The following RYR1 variants were observed in gnomAD, a reference collection of about 807,000 sequenced individuals.
The protein encoded by RYR1 is central core disease of muscle.
In RYR1, 342 loss-of-function variants were observed where a neutral mutation model predicts 583.5. The ratio of observed to expected loss-of-function variants is 0.59; its 90% CI spans 0.54 to 0.64. The LOEUF (loss-of-function observed/expected upper bound fraction) is 0.64, where lower values mean the gene tolerates loss of function less well. RYR1 is among the 30% of genes least tolerant of loss of function. The probability of loss-of-function intolerance (pLI) is 0.00; values close to 1 mark genes in which losing one functional copy is unlikely to be tolerated. For missense variants in RYR1, 6,032 were observed against 6,917.2 expected, an observed-to-expected ratio of 0.87 and a Z score of 4.54; for synonymous variants, 2,791 against 2,822.5, an observed-to-expected ratio of 0.99 and a Z score of 0.35.
intron 35 of RYR1, 132 bp from the exon 36 acceptor site, chr19:38,489,944 G>T (rs1023163018): frequency 1.4e-5 from 13 of 928,860 alleles, no homozygotes; most frequent in Middle Eastern, 3.1e-4. Context: ...CAGGCTTAAG[G>T]TTCCAGGCGG....
At chr19:38,446,003 A>T (rs1292342710) in intron 7 of RYR1, among the ~76,000 whole-genome samples, 1 of 152,062 alleles carries the variant, frequency 6.6e-6, no homozygotes, top group Non-Finnish European at 1.5e-5. Flanking sequence ...AAAACTAAAC[A>T]AAACGAAACA....
chr19:38,447,868 CAAAAAT>C (rs1423846002), intron 9 of RYR1, among the ~76,000 whole-genome samples: 1 of 144,660 alleles, frequency 6.9e-6, no homozygotes, highest in Non-Finnish European at 1.5e-5. Context: ...ACAAGCAAAA[CAAAAAT>C]AAAAAATGAA....
chr19:38,435,338 G>A (rs1972378936), intron 1 of RYR1, among the ~76,000 whole-genome samples: 1 of 152,230 alleles, frequency 6.6e-6, no homozygotes, highest in African/African-American at 2.4e-5. Flanking sequence ...ACTTGCCAAA[G>A]TAGTCAGCGT....
chr19:38,449,480 C>CAAAACA (rs763785314), intron 11 of RYR1, among the ~76,000 whole-genome samples: 2 of 152,014 alleles, frequency 1.3e-5, no homozygotes, highest in Admixed American at 6.6e-5. Context: ...AAAAACAAAA[C>CAAAACA]AAAACAAAAA....
chr19:38,473,275 G>A (rs1208259585), intron 27 of RYR1, 102 bp from the exon 28 acceptor site: 2 of 1,405,762 alleles, frequency 1.4e-6, no homozygotes, highest in Non-Finnish European at 2.0e-6. Context: ...CCATGCAGGT[G>A]CACTATGGCC....
rs1969842025 is a variant in RYR1, at chr19:38,496,611, CT to C, written c.6796+73del. The C allele has an allele frequency of 6.3e-7, 1 of 1,579,052 alleles. No homozygotes were observed. Among genetic ancestry groups the C allele is most frequent in the African/African-American group, 1.3e-5 (1 of 74,378 alleles). ...TGGCACCCCGTCCAGGCCTGCCCCA[CT>C]TTCCACCAGCTCACTCATTCAACAA... is the stretch of plus-strand genomic sequence containing the variant. On this transcript the variant is annotated intron_variant, in intron 41 of 105. Coordinates refer to ENST00000359596, the MANE Select transcript of RYR1 (RefSeq NM_000540.3). The surrounding 1 kb of genome is among the most constrained non-coding windows in gnomAD (Gnocchi z 4.8).
chr19:38,505,635 A>T (rs566857433), intron 53 of RYR1, among the ~76,000 whole-genome samples, 171 bp from the exon 54 acceptor site: 1 of 152,194 alleles, frequency 6.6e-6, no homozygotes, highest in African/African-American at 2.4e-5. Context: ...GTCTAATGGG[A>T]TAAGGAGATT....
Position 38,489,347 on chromosome 19 carries a change from G to C in RYR1, c.5718G>C (p.Glu1906Asp), listed in dbSNP as rs1568488491. The C allele has an allele frequency of 1.2e-6, 2 of 1,611,254 alleles. No homozygotes were observed. Among genetic ancestry groups the C allele is most frequent in the Non-Finnish European group, 1.7e-6 (2 of 1,177,520 alleles). ...AAACAGCACAGGAAAAGGAAGATGA[G>C]GAAAAAGAGGAAGAGGAGGCAGCAG... ...EEETAQEKED[E>D]EKEEEEAAEG... is the part of the protein sequence containing the mutation. The change falls in exon 35 of 106, where the codon GAG becomes GAC. Residue 1906 changes from glutamate to aspartate, a missense_variant. Transcript: ENST00000359596.
In RYR1 at chr19:38,492,570, G is replaced by A. The variant is rs749274175; in HGVS notation, c.6208G>A (p.Val2070Met). ...GSRLMSLLEK[V>M]RLVKKKEEKP... is the part of the protein sequence containing the mutation. The stretch of plus-strand genomic sequence containing the variant: ...CCGCCTCATGAGCCTGTTGGAGAAA[G>A]TGCGGCTGGTGAAGAAGAAGGAAGA... The change falls in exon 38 of 106, where the codon GTG becomes ATG. Residue 2070 changes from valine (V) to methionine (M), a missense_variant. This residue lies in a region of RYR1 where 2,627 missense variants were observed against 2,961.3 expected (regional missense o/e 0.89). Transcript: ENST00000359596. 109 of 1,613,952 alleles carry A rather than the reference G, an allele frequency of 6.8e-5. No individual in the cohort carries two copies. Among genetic ancestry groups the A allele is most frequent in the Non-Finnish European group, 8.1e-5 (96 of 1,179,992 alleles).
At chr19:38,453,211 G>A (rs1010650569) in intron 13 of RYR1, among the ~76,000 whole-genome samples, 197 bp downstream of exon 13, 1 of 151,604 alleles carries the variant, frequency 6.6e-6, no homozygotes, top group Non-Finnish European at 1.5e-5. Flanking sequence ...CTTGGGAGGG[G>A]CGGGCCTGCT....
intron 61 of RYR1, 41 bp downstream of exon 61, chr19:38,511,651 C>T (rs1224648533): frequency 1.9e-6 from 3 of 1,601,688 alleles, no homozygotes; most frequent in Non-Finnish European, 1.7e-6. Context: ...CCTAATCTTT[C>T]TCTTCCCCAC....
intron 101 of RYR1, among the ~76,000 whole-genome samples, chr19:38,581,216 A>G (rs1974191638): frequency 6.6e-6 from 1 of 151,576 alleles, no homozygotes; most frequent in Non-Finnish European, 1.5e-5. Flanking sequence ...TAGCTGGGAC[A>G]ACAGGCGCCC....
Position 38,483,059 on chromosome 19 carries a change from C to G in RYR1, c.4653C>G (p.Val1551=). The change falls in exon 32 of 106, where the codon GTC becomes GTG. Residue 1551 remains valine, a synonymous_variant. Coordinates refer to ENST00000359596, the MANE Select transcript of RYR1 (RefSeq NM_000540.3). The surrounding 1 kb of genome is among the most constrained non-coding windows in gnomAD (Gnocchi z 6.3). The part of the protein sequence containing the change: ...VEPNTKLFPA[V]FVLPTHQNVI... ...CCAACACTAAGCTATTTCCTGCCGT[C>G]TTCGTCCTGCCCACCCACCAGAACG... 6.2e-7 allele frequency: 1 copy of G among 1,614,172 alleles called. No homozygotes were observed. Among genetic ancestry groups the G allele is most frequent in the Non-Finnish European group, 8.5e-7 (1 of 1,180,026 alleles).
chr19:38,449,230 C>T (rs1008917945), intron 11 of RYR1, among the ~76,000 whole-genome samples: 2 of 152,080 alleles, frequency 1.3e-5, no homozygotes, highest in African/African-American at 2.4e-5. Flanking sequence ...GAGGCCCAGG[C>T]GGTTGGATCA....
At chr19:38,551,025 C>CTTTTTTTTTTTTTTTT (rs71165560) in intron 89 of RYR1, among the ~76,000 whole-genome samples, 1 of 41,358 alleles carries the variant, frequency 2.4e-5, no homozygotes, top group African/African-American at 8.5e-5. Flanking sequence ...GGATTCACGG[C>CTTTTTTTTTTTTTTTT]TTTTTTTTTT....
chr19:38,478,217 AC>A (rs1238327456), intron 30 of RYR1, among the ~76,000 whole-genome samples: 3 of 148,436 alleles, frequency 2.0e-5, no homozygotes, highest in Non-Finnish European at 4.5e-5. Flanking sequence ...TCAGACCCCC[AC>A]CCCCATCCTG....
intron 25 of RYR1, 151 bp downstream of exon 25, chr19:38,467,963 C>A: frequency 2.9e-6 from 2 of 693,518 alleles, no homozygotes; most frequent in South Asian, 1.7e-5. Flanking sequence ...TCCATTCAAC[C>A]AATGATTCAT....
At chr19:38,447,841 T>TAA (rs55754306) in intron 9 of RYR1, among the ~76,000 whole-genome samples, 1 of 137,548 alleles carries the variant, frequency 7.3e-6, no homozygotes, top group Non-Finnish European at 1.5e-5. Flanking sequence ...GGCCCTGCCT[T>TAA]AAAAAAAAAA....
intron 89 of RYR1, among the ~76,000 whole-genome samples, chr19:38,559,813 A>G (rs889572453): frequency 1.3e-4 from 20 of 152,292 alleles, no homozygotes; most frequent in African/African-American, 3.8e-4. Flanking sequence ...ACCCGTCTGG[A>G]GGTAATGAAA....
Sources: gnomAD v4.1 joint callset for allele counts (sites outside exome capture counted in the v4.1 genomes callset) on GRCh38, gnomAD v4.1.1 for gene constraint, gnomAD v4.1.1 regional missense constraint, Gnocchi (gnomAD v3.1) non-coding constraint, MANE v1.5 for transcripts, NCBI Gene and HGNC (gene_info 2026-07-23, HGNC 2026-07-21) for gene names.